IL1RAPL2: variants seen among roughly 807,000 people sequenced by gnomAD.
IL1RAPL2 encodes the protein interleukin 1 receptor accessory protein like 2, also known as X-linked interleukin-1 receptor accessory protein-like 2.
A neutral mutation model predicts 44.1 loss-of-function variants in IL1RAPL2; 3 were observed. That is an observed-to-expected ratio of 0.07 (90% CI 0.03 to 0.18). The LOEUF (loss-of-function observed/expected upper bound fraction) is 0.18, where lower values mean the gene tolerates loss of function less well. Ranked by LOEUF, IL1RAPL2 falls within the 10% of genes least tolerant of loss-of-function variation. The pLI is 1.00. For missense variants in IL1RAPL2, 391 were observed against 496.4 expected (o/e 0.79, Z 2.02); for synonymous variants, 181 against 178.8 (o/e 1.01, Z -0.10).
chrX:104,573,616 C>A (rs776807059), intron 1 of IL1RAPL2, among the ~76,000 whole-genome samples: 135 of 111,909 alleles, frequency 1.2e-3, no homozygotes, highest in African/African-American at 4.2e-3. Context: ...GTTTGGGAGA[C>A]AAATTAGATA....
At chrX:105,285,698 T>C (rs1033762746) in intron 5 of IL1RAPL2, among the ~76,000 whole-genome samples, 1 of 112,088 alleles carries the variant, frequency 8.9e-6, no homozygotes, top group Non-Finnish European at 1.9e-5. Context: ...CCACAGTGTC[T>C]TTCTGACTTA....
intron 2 of IL1RAPL2, among the ~76,000 whole-genome samples, chrX:104,704,832 C>G (rs1237981883): frequency 8.9e-6 from 1 of 111,889 alleles, no homozygotes; most frequent in African/African-American, 3.2e-5. Flanking sequence ...ATCTACAGTT[C>G]ACATAGCAAA....
intron 6 of IL1RAPL2, among the ~76,000 whole-genome samples, chrX:105,677,299 T>TAAGC (rs1264401940): frequency 2.7e-5 from 3 of 112,004 alleles, no homozygotes; most frequent in African/African-American, 9.7e-5. Context: ...GAATGAAATG[T>TAAGC]AAGCATTGGA....
intron 2 of IL1RAPL2, among the ~76,000 whole-genome samples, chrX:104,990,689 G>T (rs1248213350): frequency 9.0e-6 from 1 of 111,111 alleles, no homozygotes; most frequent in African/African-American, 3.3e-5. Context: ...AGAGAAGGAA[G>T]ACCTTTAAAA....
chrX:105,289,176 A>G (rs2034594014), intron 5 of IL1RAPL2, among the ~76,000 whole-genome samples: 1 of 111,322 alleles, frequency 9.0e-6, no homozygotes, highest in Non-Finnish European at 1.9e-5. Flanking sequence ...TTAAGGAACA[A>G]CCAGGAGGCT....
chrX:105,134,356 A>G (rs2147579439), intron 2 of IL1RAPL2, among the ~76,000 whole-genome samples: 1 of 112,316 alleles, frequency 8.9e-6, no homozygotes, highest in East Asian at 2.8e-4. Flanking sequence ...TCCTTACCCC[A>G]TGTTATTGAA....
intron 5 of IL1RAPL2, among the ~76,000 whole-genome samples, chrX:105,358,929 C>T (rs1383525040): frequency 2.7e-5 from 3 of 111,601 alleles, no homozygotes; most frequent in African/African-American, 6.5e-5. Context: ...TGCCTACGGC[C>T]TCAGCAGATC....
chrX:105,324,113 A>C (rs1000667710), intron 5 of IL1RAPL2, among the ~76,000 whole-genome samples: 1 of 111,299 alleles, frequency 9.0e-6, no homozygotes, highest in African/African-American at 3.3e-5. Context: ...AGGTATGAGC[A>C]GTGTGGTCAG....
chrX:105,020,755 C>A (rs1205893615), intron 2 of IL1RAPL2, among the ~76,000 whole-genome samples: 1 of 111,089 alleles, frequency 9.0e-6, no homozygotes. Flanking sequence ...GATGCCCCAG[C>A]ATTGTCTAGT....
At chrX:105,033,978 G>C (rs1022422871) in intron 2 of IL1RAPL2, among the ~76,000 whole-genome samples, 2 of 111,033 alleles carry the variant, frequency 1.8e-5, no homozygotes, top group Non-Finnish European at 3.8e-5. Flanking sequence ...TTCATTTCAT[G>C]TTCCATCACA....
intron 6 of IL1RAPL2, among the ~76,000 whole-genome samples, chrX:105,693,987 A>G (rs896912705): frequency 8.9e-6 from 1 of 112,056 alleles, no homozygotes. Flanking sequence ...TTTTAGAACT[A>G]TAAGATAAAT....
intron 3 of IL1RAPL2, among the ~76,000 whole-genome samples, chrX:105,225,834 C>G (rs1463223211): frequency 9.1e-6 from 1 of 109,302 alleles, no homozygotes; most frequent in Non-Finnish European, 1.9e-5. Context: ...TTACAGGCAC[C>G]CACCATCATA....
chrX:104,887,889 G>A (rs1749479540), intron 2 of IL1RAPL2, among the ~76,000 whole-genome samples: 1 of 111,610 alleles, frequency 9.0e-6, no homozygotes, highest in African/African-American at 3.3e-5. Flanking sequence ...TCTTCCCCCA[G>A]GGACCAGCGC....
At chrX:104,581,660 G>T (rs767754581) in intron 1 of IL1RAPL2, among the ~76,000 whole-genome samples, 1 of 110,770 alleles carries the variant, frequency 9.0e-6, no homozygotes, top group South Asian at 3.8e-4. Context: ...GCCTTTCTAG[G>T]TCCCCAAGGG....
intron 2 of IL1RAPL2, among the ~76,000 whole-genome samples, chrX:105,062,746 T>C (rs896531017): frequency 3.6e-5 from 4 of 111,685 alleles, no homozygotes; most frequent in Admixed American, 2.9e-4. Flanking sequence ...GCACTTTAAA[T>C]ACATCATGCC....
intron 6 of IL1RAPL2, among the ~76,000 whole-genome samples, chrX:105,642,560 G>C (rs956846038): frequency 1.8e-5 from 2 of 111,662 alleles, no homozygotes; most frequent in African/African-American, 6.5e-5. Context: ...TTTAATTCCT[G>C]ATCTCTCTTA....
chrX:104,660,213 T>C (rs1930363555), intron 2 of IL1RAPL2, among the ~76,000 whole-genome samples: 1 of 111,564 alleles, frequency 9.0e-6, no homozygotes, highest in African/African-American at 3.3e-5. Flanking sequence ...ATATCATTCA[T>C]GGCTGCCTTT....
intron 2 of IL1RAPL2, among the ~76,000 whole-genome samples, chrX:104,669,968 T>C (rs1930562445): frequency 8.9e-6 from 1 of 112,101 alleles, no homozygotes; most frequent in Non-Finnish European, 1.9e-5. Flanking sequence ...AATCACCAAG[T>C]TCTGCAGTTT....
chrX:105,039,275 A>G (rs915045296), intron 2 of IL1RAPL2, among the ~76,000 whole-genome samples: 3 of 112,042 alleles, frequency 2.7e-5, no homozygotes, highest in Admixed American at 1.9e-4. Context: ...TGAAAATATT[A>G]GAATAAAAAT....
Sources: gnomAD v4.1 joint callset for allele counts (sites outside exome capture counted in the v4.1 genomes callset) on GRCh38, gnomAD v4.1.1 for gene constraint, MANE v1.5 for transcripts, NCBI Gene and HGNC (gene_info 2026-07-23, HGNC 2026-07-21) for gene names.